Variants in IFT74 observed in about 807,000 individuals in gnomAD.
IFT74 encodes intraflagellar transport 74.
IFT74 carries 92 observed loss-of-function variants against 96.7 expected under a neutral mutation model. The ratio of observed to expected loss-of-function variants is 0.95; its 90% CI spans 0.80 to 1.13. The LOEUF (loss-of-function observed/expected upper bound fraction) is 1.13, where lower values mean the gene tolerates loss of function less well. IFT74 is among the 50% of genes most tolerant of loss of function. The pLI is 0.00. For synonymous variants in IFT74, 223 were observed against 213.2 expected (o/e 1.05, Z -0.40); for missense variants, 811 against 698.2 (o/e 1.16, Z -1.82).
Position 27,045,218 on chromosome 9 carries a change from C to T in IFT74, c.1108+423C>T, listed in dbSNP as rs938842702. Among the ~76,000 whole-genome samples the T allele has an allele frequency of 3.3e-5, 5 of 152,206 alleles. No individual in the cohort carries two copies. In the South Asian group the frequency reaches 6.2e-4, roughly 19 times the overall value. ...TCTCATATGAGTGTGAACCCTATCG[C>T]GTATGAGGGATCTAGGTTGTACTCT... On this transcript the variant is annotated intron_variant, in intron 14 of 19. Coordinates refer to ENST00000380062, the MANE Select transcript of IFT74 (RefSeq NM_025103.4).
At chr9:27,035,308 G>A (rs539937989) in intron 13 of IFT74, among the ~76,000 whole-genome samples, 1 of 152,272 alleles carries the variant, frequency 6.6e-6, no homozygotes, top group East Asian at 1.9e-4. Flanking sequence ...TTATCTTCTG[G>A]TATCTGAGAT....
intron 2 of IFT74, among the ~76,000 whole-genome samples, chr9:26,969,677 GT>G (rs1290012187): frequency 6.6e-6 from 1 of 151,730 alleles, no homozygotes; most frequent in Non-Finnish European, 1.5e-5. Context: ...TTATCTTTAT[GT>G]TTTGATGAAA....
intron 13 of IFT74, among the ~76,000 whole-genome samples, chr9:27,031,732 T>TAAATAAAATAAAATAAAATA (rs199561580): frequency 2.0e-3 from 251 of 127,942 alleles, no homozygotes; most frequent in East Asian, 6.8e-3. Context: ...AATAAAATAA[T>TAAATAAAATAAAATAAAATA]AAATAAAATA....
At chr9:26,949,506 T>A (rs1329225447) in intron 1 of IFT74, among the ~76,000 whole-genome samples, 2 of 152,170 alleles carry the variant, frequency 1.3e-5, no homozygotes, top group East Asian at 3.9e-4. Flanking sequence ...TATAAAAGTT[T>A]TCCCCTCGTG....
At chr9:26,997,976 G>T in intron 8 of IFT74, 1 of 1,613,882 alleles carries the variant, frequency 6.2e-7, no homozygotes, top group Non-Finnish European at 8.5e-7. Context: ...GCCTAAAAAT[G>T]CACCCTGTTG....
chr9:26,963,810 G>C (rs957867052), intron 2 of IFT74, among the ~76,000 whole-genome samples: 10 of 152,018 alleles, frequency 6.6e-5, no homozygotes, highest in Non-Finnish European at 1.2e-4. Flanking sequence ...GGGGTTGTTT[G>C]TTTTTTTCTT....
At chr9:26,989,697 G>A (rs1270678818) in intron 7 of IFT74, among the ~76,000 whole-genome samples, 2 of 150,240 alleles carry the variant, frequency 1.3e-5, no homozygotes, top group Non-Finnish European at 1.5e-5. Flanking sequence ...TGTTTGGGAT[G>A]GGGGGTCTGT....
At chr9:27,042,517 G>A (rs951384327) in intron 13 of IFT74, among the ~76,000 whole-genome samples, 5 of 152,154 alleles carry the variant, frequency 3.3e-5, no homozygotes, top group Non-Finnish European at 1.5e-5. Flanking sequence ...TTAAGCAGTT[G>A]TATAATCTCA....
At chr9:27,058,346 C>G (rs1048326877) in intron 18 of IFT74, among the ~76,000 whole-genome samples, 5 of 152,162 alleles carry the variant, frequency 3.3e-5, no homozygotes, top group Admixed American at 2.6e-4. Context: ...GCCTCAGCCT[C>G]CCAAAGTGCT....
intron 9 of IFT74, among the ~76,000 whole-genome samples, chr9:27,009,581 C>T (rs72703112): frequency 0.13 from 20,281 of 151,588 alleles, 2,303 homozygotes; most frequent in East Asian, 0.67. Context: ...TTAATGCAAA[C>T]ATTAAAAGGC....
intron 2 of IFT74, among the ~76,000 whole-genome samples, chr9:26,975,532 C>T (rs149497657): frequency 1.3e-5 from 2 of 152,288 alleles, no homozygotes; most frequent in African/African-American, 2.4e-5. Flanking sequence ...AATATTTTAA[C>T]ATAAGTCCCA....
chr9:26,980,528 G>GAA, intron 3 of IFT74, 43 bp from the exon 4 acceptor site: 1 of 1,219,176 alleles, frequency 8.2e-7, no homozygotes, highest in Middle Eastern at 1.9e-4. Flanking sequence ...TATTCTGGTG[G>GAA]CATTTCGAAC....
intron 2 of IFT74, among the ~76,000 whole-genome samples, chr9:26,966,981 T>C (rs1826647858): frequency 2.0e-5 from 3 of 152,062 alleles, no homozygotes; most frequent in Non-Finnish European, 1.5e-5. Context: ...ACTCTAGATA[T>C]ATGGATTTAT....
At chr9:26,990,509 A>C (rs1011848291) in intron 8 of IFT74, among the ~76,000 whole-genome samples, 3 of 152,196 alleles carry the variant, frequency 2.0e-5, no homozygotes, top group African/African-American at 7.2e-5. Flanking sequence ...GCTTTTAACT[A>C]ATTTGAATTT....
intron 15 of IFT74, 142 bp from the exon 16 acceptor site, chr9:27,048,006 A>G (rs376961271): frequency 4.5e-6 from 2 of 449,152 alleles, no homozygotes; most frequent in Non-Finnish European, 3.8e-6. Context: ...CATTTTCTAT[A>G]CAATATATAA....
chr9:27,012,422 C>T (rs114168910), intron 10 of IFT74, among the ~76,000 whole-genome samples: 2,387 of 151,864 alleles, frequency 0.016, 53 homozygotes, highest in African/African-American at 0.055. Flanking sequence ...GACAGGGTCT[C>T]GTTATGGCTG....
chr9:26,985,884 G>A (rs982897632), intron 6 of IFT74, among the ~76,000 whole-genome samples: 8 of 151,948 alleles, frequency 5.3e-5, no homozygotes, highest in Non-Finnish European at 1.0e-4. Context: ...TGTTTTACTC[G>A]AAATATTGTG....
At chr9:26,968,672 T>C (rs55827505) in intron 2 of IFT74, among the ~76,000 whole-genome samples, 15,544 of 152,226 alleles carry the variant, frequency 0.1, 1,820 homozygotes, top group East Asian at 0.65. Flanking sequence ...ATTTGTTCAT[T>C]TCTTCCAGAT....
chr9:26,952,956 G>A (rs936627129), upstream of IFT74, among the ~76,000 whole-genome samples: 1 of 152,190 alleles, frequency 6.6e-6, no homozygotes, highest in Non-Finnish European at 1.5e-5. Flanking sequence ...AATGATTAAA[G>A]TTAAAGGCTT....
Sources: gnomAD v4.1 joint callset for allele counts (sites outside exome capture counted in the v4.1 genomes callset) on GRCh38, gnomAD v4.1.1 for gene constraint, MANE v1.5 for transcripts, NCBI Gene and HGNC (gene_info 2026-07-23, HGNC 2026-07-21) for gene names.